The following ATE1 variants were observed in gnomAD, a reference collection of about 807,000 sequenced individuals.
ATE1 encodes arginyl-tRNA--protein transferase 1.
In ATE1, 36 loss-of-function variants were observed where a neutral mutation model predicts 70.5. The ratio of observed to expected loss-of-function variants is 0.51; its 90% CI spans 0.39 to 0.67. The LOEUF (loss-of-function observed/expected upper bound fraction) is 0.67. ATE1 is among the 30% of genes least tolerant of loss of function. The pLI is 0.00. For missense variants in ATE1, 593 were observed against 629.5 expected (o/e 0.94, Z 0.62); for synonymous variants, 232 against 219.3 (o/e 1.06, Z -0.51).
chr10:121,814,596 T>C (rs569932923), intron 10 of ATE1, among the ~76,000 whole-genome samples: 3 of 152,192 alleles, frequency 2.0e-5, no homozygotes, highest in South Asian at 4.2e-4. Flanking sequence ...AAGTGTGAAG[T>C]ATGAAAAAAT....
At chr10:121,927,072 T>G (rs1254508076) in intron 1 of ATE1, 4 of 985,422 alleles carry the variant, frequency 4.1e-6, no homozygotes, top group Non-Finnish European at 4.8e-6. Flanking sequence ...ATTAAAATAA[T>G]AGAGTCTACA....
chr10:121,773,794 A>G (rs1299456292), intron 11 of ATE1, among the ~76,000 whole-genome samples: 1 of 152,202 alleles, frequency 6.6e-6, no homozygotes, highest in Non-Finnish European at 1.5e-5. Context: ...AAAACAAAGT[A>G]TTGTGACTAG....
chr10:121,885,443 G>A (rs185086432), intron 7 of ATE1, among the ~76,000 whole-genome samples: 16 of 150,886 alleles, frequency 1.1e-4, no homozygotes, highest in African/African-American at 3.2e-4. Context: ...GGTGGTGGGC[G>A]CTTGTAGTCC....
At chr10:121,852,232 A>C (rs1949082316) in intron 8 of ATE1, among the ~76,000 whole-genome samples, 1 of 152,130 alleles carries the variant, frequency 6.6e-6, no homozygotes, top group Non-Finnish European at 1.5e-5. Context: ...AGCTGAAAAT[A>C]CCTCTCCCAC....
intron 10 of ATE1, among the ~76,000 whole-genome samples, chr10:121,804,811 A>G (rs948549751): frequency 1.3e-5 from 2 of 151,966 alleles, no homozygotes; most frequent in Non-Finnish European, 2.9e-5. Context: ...TTGAAGCTCA[A>G]ACTGTCCACA....
chr10:121,855,804 G>A (rs1366584928), intron 8 of ATE1, among the ~76,000 whole-genome samples: 1 of 152,120 alleles, frequency 6.6e-6, no homozygotes, highest in Non-Finnish European at 1.5e-5. Flanking sequence ...GCCAGGTGTG[G>A]TGGCTCACAC....
chr10:121,770,757 A>G (rs1288789256), intron 11 of ATE1, among the ~76,000 whole-genome samples: 1 of 150,052 alleles, frequency 6.7e-6, no homozygotes, highest in African/African-American at 2.4e-5. Flanking sequence ...AAAAACTCTT[A>G]TTAGAACCTT....
chr10:121,913,981 C>A, intron 3 of ATE1, 88 bp from the exon 4 acceptor site: 1 of 925,562 alleles, frequency 1.1e-6, no homozygotes. Flanking sequence ...ACAATGAGAC[C>A]ATCTCATGCC....
intron 3 of ATE1, among the ~76,000 whole-genome samples, chr10:121,921,634 A>G (rs1231528083): frequency 1.3e-5 from 2 of 152,048 alleles, no homozygotes; most frequent in Non-Finnish European, 2.9e-5. Context: ...TGGGCACCAT[A>G]GTGAAGATTA....
At chr10:121,806,759 G>C (rs983873132) in intron 10 of ATE1, among the ~76,000 whole-genome samples, 1 of 152,168 alleles carries the variant, frequency 6.6e-6, no homozygotes, top group African/African-American at 2.4e-5. Context: ...CACTTATTAA[G>C]TATGCAACAC....
chr10:121,788,205 C>T (rs933323148), intron 11 of ATE1, among the ~76,000 whole-genome samples: 12 of 152,116 alleles, frequency 7.9e-5, no homozygotes, highest in Non-Finnish European at 1.5e-4. Flanking sequence ...TGGCTCTGAG[C>T]CTGACTCCAA....
intron 8 of ATE1, among the ~76,000 whole-genome samples, chr10:121,862,480 C>T (rs1949508465): frequency 6.6e-6 from 1 of 151,686 alleles, no homozygotes; most frequent in African/African-American, 2.4e-5. Flanking sequence ...CCTCAGCCTC[C>T]AGAATTGCTG....
intron 10 of ATE1, among the ~76,000 whole-genome samples, chr10:121,823,221 C>T (rs1947871426): frequency 6.6e-6 from 1 of 152,008 alleles, no homozygotes; most frequent in Non-Finnish European, 1.5e-5. Context: ...ACCCGGGAGG[C>T]AGAGCTTGCA....
intron 8 of ATE1, among the ~76,000 whole-genome samples, chr10:121,865,880 G>T (rs571534026): frequency 2.6e-5 from 4 of 152,330 alleles, no homozygotes; most frequent in African/African-American, 9.6e-5. Flanking sequence ...TCATGTGGCA[G>T]TTAACTGTTT....
rs182832301 is a variant in ATE1 at position 121,745,443 on chromosome 10, G to A, written c.1379-1585C>T. Among the ~76,000 whole-genome samples, 572 of 152,252 alleles carry A rather than the reference G, an allele frequency of 3.8e-3. 3 individuals carry two copies. The highest frequency in any genetic ancestry group is 4.3e-3 in the Admixed American group (66 of 15,292). ...GTGGGTTAAGAACCACAGGCGGGGT[G>A]CAGTGGCTCACGCCTGTAATCCCAG... On this transcript the variant is annotated intron_variant, in intron 11 of 11. Coordinates refer to ENST00000224652, the MANE Select transcript of ATE1 (RefSeq NM_001001976.3).
rs111764307 is a variant in ATE1, at chr10:121,902,571, G to A, written c.633C>T (p.Ile211=). The A allele has an allele frequency of 1.5e-5, 24 of 1,613,818 alleles. No homozygotes were observed. Among genetic ancestry groups the A allele is most frequent in the African/African-American group, 2.7e-5 (2 of 74,902 alleles). ...GTTTTAACCTTTTCCTTTCTTTCCG[G>A]ATTTCCTTTGCTTTTCGACATGGAG... is the stretch of plus-strand genomic sequence containing the variant. ...SKPPCRKAKE[I]RKERKRLKLM... Residue 211 remains isoleucine (I), a synonymous_variant, in exon 6 of 12, where the codon ATC becomes ATT. Transcript: ENST00000224652.
At chr10:121,896,530 C>T (rs949319036) in intron 7 of ATE1, among the ~76,000 whole-genome samples, 1 of 151,520 alleles carries the variant, frequency 6.6e-6, no homozygotes, top group Non-Finnish European at 1.5e-5. Context: ...ATCCCTTGGT[C>T]GGGCACAGTA....
chr10:121,826,640 G>A (rs977145920), intron 10 of ATE1, among the ~76,000 whole-genome samples: 1 of 152,146 alleles, frequency 6.6e-6, no homozygotes, highest in African/African-American at 2.4e-5. Flanking sequence ...TTTAGAATCA[G>A]AGGGTACATG....
chr10:121,772,293 T>C (rs1945551608), intron 11 of ATE1, among the ~76,000 whole-genome samples: 1 of 152,256 alleles, frequency 6.6e-6, no homozygotes, highest in African/African-American at 2.4e-5. Flanking sequence ...TAGTACCACA[T>C]GTTTATTACT....
Sources: gnomAD v4.1 joint callset for allele counts (sites outside exome capture counted in the v4.1 genomes callset) on GRCh38, gnomAD v4.1.1 for gene constraint, MANE v1.5 for transcripts, NCBI Gene and HGNC (gene_info 2026-07-23, HGNC 2026-07-21) for gene names.